Variants in KCNIP4 observed in about 807,000 individuals in gnomAD.
KCNIP4 encodes the protein potassium voltage-gated channel interacting protein 4.
Under a neutral mutation model 34.0 loss-of-function variants are expected in KCNIP4, and 12 were observed. The ratio of observed to expected loss-of-function variants is 0.35; its 90% confidence interval spans 0.23 to 0.57. The LOEUF (loss-of-function observed/expected upper bound fraction) is 0.57, where lower values mean the gene tolerates loss of function less well. Ranked by LOEUF, KCNIP4 falls within the 20% of genes least tolerant of loss-of-function variation. The pLI, the probability that KCNIP4 is intolerant of heterozygous loss-of-function variation, is 0.83. For missense variants in KCNIP4, 238 were observed against 311.7 expected, an observed-to-expected ratio of 0.76 and a Z score of 1.78; for synonymous variants, 124 against 102.2, an observed-to-expected ratio of 1.21 and a Z score of -1.29.
At chr4:20,844,256 C>G (rs1450365055) in intron 3 of KCNIP4, among the ~76,000 whole-genome samples, 1 of 152,190 alleles carries the variant, frequency 6.6e-6, no homozygotes, top group Non-Finnish European at 1.5e-5. Flanking sequence ...TATAGGCAAT[C>G]TTCCCTTCAG....
intron 1 of KCNIP4, among the ~76,000 whole-genome samples, chr4:21,728,721 A>C (rs1011853628): frequency 6.6e-6 from 1 of 152,038 alleles, no homozygotes; most frequent in Non-Finnish European, 1.5e-5. Context: ...TGCTCTTTTA[A>C]AAGACTCAAC....
chr4:20,750,553 A>G lies in KCNIP4; in HGVS notation c.359-821T>C, dbSNP rs566077412. 4.0e-5 allele frequency among the ~76,000 whole-genome samples: 6 copies of G among 151,118 alleles called. No homozygotes were observed. In the South Asian group the frequency reaches 1.1e-3, roughly 27 times the overall value. ...TGTTCTTAGTTTGCTTCTATTGGGT[A>G]TTCTTCCCCTCTCATTTTTCCTTCC... On this transcript the variant is annotated intron_variant, in intron 4 of 8. Coordinates refer to ENST00000382152, the MANE Select transcript of KCNIP4 (RefSeq NM_025221.6).
rs180891002 is a variant in KCNIP4 at position 21,412,279 on chromosome 4, C to T, written c.62-529570G>A. 1.3e-3 allele frequency among the ~76,000 whole-genome samples: 205 copies of T among 152,262 alleles called. 1 individual carries two copies. The highest frequency in any genetic ancestry group is 4.5e-3 in the African/African-American group (189 of 41,570). ...ACCTAACCTGCTGCTTGAAAACCTG[C>T]GATCCCATTGCATCTCATGAAAAAG... On this transcript the variant is annotated intron_variant, in intron 1 of 8. Transcript: ENST00000382152.
intron 1 of KCNIP4, among the ~76,000 whole-genome samples, chr4:21,340,178 G>A (rs1716612174): frequency 6.6e-6 from 1 of 151,982 alleles, no homozygotes; most frequent in Admixed American, 6.6e-5. Context: ...AAAAAATTTG[G>A]GGTCCATGCA....
chr4:20,787,896 C>T (rs1475561453), intron 3 of KCNIP4, among the ~76,000 whole-genome samples: 1 of 152,046 alleles, frequency 6.6e-6, no homozygotes, highest in South Asian at 2.1e-4. Flanking sequence ...ATTACATTTT[C>T]TTACTTATGA....
intron 1 of KCNIP4, among the ~76,000 whole-genome samples, chr4:21,675,605 G>C (rs1233238244): frequency 6.6e-6 from 1 of 151,902 alleles, no homozygotes; most frequent in Non-Finnish European, 1.5e-5. Context: ...TTTATTAAAA[G>C]AAAAGAAACA....
chr4:21,603,555 T>C (rs1743384858), intron 1 of KCNIP4, among the ~76,000 whole-genome samples: 1 of 152,184 alleles, frequency 6.6e-6, no homozygotes, highest in Non-Finnish European at 1.5e-5. Flanking sequence ...TTGAATATTT[T>C]GAAGCCCACA....
intron 1 of KCNIP4, among the ~76,000 whole-genome samples, chr4:21,264,976 G>A (rs1386484837): frequency 6.6e-6 from 1 of 152,064 alleles, no homozygotes; most frequent in Admixed American, 6.6e-5. Context: ...ACTTGCGCCT[G>A]TGATCCCGGC....
At chr4:21,436,674 A>C (rs957365452) in intron 1 of KCNIP4, among the ~76,000 whole-genome samples, 1 of 152,200 alleles carries the variant, frequency 6.6e-6, no homozygotes, top group Non-Finnish European at 1.5e-5. Context: ...TCTATACCTC[A>C]TGTCCATTCC....
At chr4:21,501,859 TC>T (rs1226516644) in intron 1 of KCNIP4, among the ~76,000 whole-genome samples, 1 of 151,794 alleles carries the variant, frequency 6.6e-6, no homozygotes, top group African/African-American at 2.4e-5. Context: ...GGTTCAAATT[TC>T]CCCTTGCTGA....
intron 1 of KCNIP4, among the ~76,000 whole-genome samples, chr4:21,170,258 AT>A (rs892062813): frequency 2.0e-5 from 3 of 152,138 alleles, no homozygotes; most frequent in African/African-American, 7.2e-5. Flanking sequence ...TTACCAAGCT[AT>A]TTTTGCCAGG....
intron 1 of KCNIP4, among the ~76,000 whole-genome samples, chr4:20,998,014 G>C (rs967525253): frequency 6.6e-6 from 1 of 152,162 alleles, no homozygotes; most frequent in Non-Finnish European, 1.5e-5. Context: ...AAAATGTGGA[G>C]CTATGCCTTG....
chr4:21,881,186 A>G (rs181695353), intron 1 of KCNIP4, among the ~76,000 whole-genome samples: 1 of 152,230 alleles, frequency 6.6e-6, no homozygotes, highest in Admixed American at 6.5e-5. Flanking sequence ...GTCTTGACTA[A>G]TATTTTTCTT....
In KCNIP4 at chr4:21,146,656, GT is replaced by G. The variant is rs558412247; in HGVS notation, c.62-263948del. Reference sequence around the variant, plus strand: ...GGCAAATTTGTTATCAGCGGTGTGTGTTTACACACATCAAGTGTCTGGGAAA... The same window carrying G: ...GGCAAATTTGTTATCAGCGGTGTGTGTTACACACATCAAGTGTCTGGGAAA... On this transcript the variant is annotated intron_variant, in intron 1 of 8. Transcript: ENST00000382152. Among the ~76,000 whole-genome samples the G allele has an allele frequency of 1.4e-3, 220 of 152,196 alleles. 1 individual carries two copies. The highest frequency in any genetic ancestry group is 5.0e-3 in the African/African-American group (207 of 41,530).
chr4:21,483,673 C>T (rs1331098445), intron 1 of KCNIP4, among the ~76,000 whole-genome samples: 5 of 151,974 alleles, frequency 3.3e-5, no homozygotes, highest in Non-Finnish European at 7.4e-5. Context: ...ACCTGTAATC[C>T]CAGCTACTTG....
In KCNIP4 at chr4:20,990,370, T is replaced by C. The variant is rs115011116; in HGVS notation, c.62-107661A>G. Among the ~76,000 whole-genome samples the C allele has an allele frequency of 4.8e-3, 734 of 152,332 alleles. 5 individuals carry two copies. The highest frequency in any genetic ancestry group is 7.6e-3 in the Non-Finnish European group (516 of 68,038). ...TCATTCTGAAAGGTTAGTAAATGTG[T>C]CTTGAATGGACTTCTTTAAAATATG... On this transcript the variant is annotated intron_variant, in intron 1 of 8. Coordinates refer to ENST00000382152, the MANE Select transcript of KCNIP4 (RefSeq NM_025221.6).
chr4:20,807,359 G>A (rs1024172183), intron 3 of KCNIP4, among the ~76,000 whole-genome samples: 1 of 152,072 alleles, frequency 6.6e-6, no homozygotes, highest in East Asian at 1.9e-4. Context: ...TAATCACATG[G>A]CACTTTTCAG....
At chr4:21,537,294 G>T (rs995430544) in intron 1 of KCNIP4, among the ~76,000 whole-genome samples, 4 of 152,174 alleles carry the variant, frequency 2.6e-5, no homozygotes, top group African/African-American at 9.7e-5. Flanking sequence ...CAAGCATACT[G>T]TTGAGGGTGG....
chr4:21,898,895 C>G (rs7682043), intron 1 of KCNIP4, among the ~76,000 whole-genome samples: 1 of 152,074 alleles, frequency 6.6e-6, no homozygotes, highest in Non-Finnish European at 1.5e-5. Flanking sequence ...TGGACCTGCC[C>G]AGGGCCAGAG....
Sources: gnomAD v4.1 joint callset for allele counts (sites outside exome capture counted in the v4.1 genomes callset) on GRCh38, gnomAD v4.1.1 for gene constraint, MANE v1.5 for transcripts, NCBI Gene and HGNC (gene_info 2026-07-23, HGNC 2026-07-21) for gene names.